Variants in LGSN observed in about 807,000 individuals in gnomAD.
The protein encoded by LGSN is lengsin, lens protein with glutamine synthetase domain, also known as lengsin.
In LGSN, 21 loss-of-function variants were observed where a neutral mutation model predicts 19.5. That is an observed-to-expected ratio of 1.07 (90% CI 0.76 to 1.55). The LOEUF (loss-of-function observed/expected upper bound fraction) is 1.55. LGSN is among the 40% of genes most tolerant of loss of function. The pLI is 0.00. For missense variants in LGSN, 673 were observed against 608.5 expected (o/e 1.11, Z -1.12); for synonymous variants, 257 against 215.6 (o/e 1.19, Z -1.68).
intron 1 of LGSN, among the ~76,000 whole-genome samples, chr6:63,295,971 G>A (rs897570985): frequency 1.3e-5 from 2 of 152,162 alleles, no homozygotes; most frequent in African/African-American, 2.4e-5. Flanking sequence ...AACACTTTGA[G>A]CTTAGTATCT....
intron 1 of LGSN, among the ~76,000 whole-genome samples, chr6:63,311,791 A>G (rs1768638343): frequency 6.6e-6 from 1 of 152,126 alleles, no homozygotes; most frequent in African/African-American, 2.4e-5. Context: ...GTCCTCTTAT[A>G]TATTATTATT....
the LGSN span, among the ~76,000 whole-genome samples, chr6:63,530,584 T>A: frequency 1.3e-5 from 2 of 152,118 alleles, no homozygotes; most frequent in African/African-American, 4.8e-5. Flanking sequence ...TTTGTGAACA[T>A]GGAGGCCCTT....
chr6:63,410,910 T>C, the LGSN span, among the ~76,000 whole-genome samples: 1 of 152,128 alleles, frequency 6.6e-6, no homozygotes, highest in Non-Finnish European at 1.5e-5. Context: ...TCAAAACCAG[T>C]TTTTTTCCAA....
At chr6:63,568,535 A>C in the LGSN span, among the ~76,000 whole-genome samples, 3 of 152,232 alleles carry the variant, frequency 2.0e-5, no homozygotes, top group Non-Finnish European at 4.4e-5. Context: ...AATAATTTAA[A>C]AGTTTGAAAT....
Position 63,279,793 on chromosome 6 carries a change from T to C in LGSN, c.*228A>G. ...AAATGACTGACAAGATCTGGTAAGTTTGCATATTATAGCTTCACCACAACT... is the reference window on the plus strand; with the variant it reads ...AAATGACTGACAAGATCTGGTAAGTCTGCATATTATAGCTTCACCACAACT... On this transcript the variant is annotated 3_prime_UTR_variant, in exon 4 of 4. Coordinates refer to ENST00000370657, the MANE Select transcript of LGSN (RefSeq NM_016571.3). 3 of 409,350 alleles carry C rather than the reference T, an allele frequency of 7.3e-6. No homozygotes were observed. In the Admixed American group the frequency reaches 1.3e-4, roughly 17 times the overall value. The allele number at this position is 409,350 out of a possible 1,614,324, so 25.4% of individuals were successfully genotyped here. A position where few individuals can be genotyped will look rare whatever the true frequency, so the allele number is the denominator to read the frequency against.
chr6:63,442,981 A>T, the LGSN span, among the ~76,000 whole-genome samples: 16,939 of 152,204 alleles, frequency 0.11, 1,965 homozygotes, highest in African/African-American at 0.29. Context: ...CGATGGGACC[A>T]GGCACTGTGG....
At chr6:63,398,733 A>C in the LGSN span, among the ~76,000 whole-genome samples, 2 of 152,174 alleles carry the variant, frequency 1.3e-5, no homozygotes, top group Non-Finnish European at 2.9e-5. Flanking sequence ...AGTATCGTAG[A>C]CTTTCACATT....
At chr6:63,357,544 T>C in the LGSN span, among the ~76,000 whole-genome samples, 1 of 152,226 alleles carries the variant, frequency 6.6e-6, no homozygotes, top group Non-Finnish European at 1.5e-5. Flanking sequence ...TGAGATGGTA[T>C]CTCATTGTGG....
At chr6:63,448,263 G>A in the LGSN span, among the ~76,000 whole-genome samples, 3 of 152,030 alleles carry the variant, frequency 2.0e-5, no homozygotes, top group African/African-American at 7.2e-5. Context: ...AACAAAAAAG[G>A]CTCACCATGT....
the LGSN span, among the ~76,000 whole-genome samples, chr6:63,472,369 G>T: frequency 6.6e-6 from 1 of 152,178 alleles, no homozygotes; most frequent in Admixed American, 6.5e-5. Flanking sequence ...ATAAATAAAT[G>T]AAGATTCTGA....
chr6:63,431,876 G>C, the LGSN span, among the ~76,000 whole-genome samples: 5 of 150,514 alleles, frequency 3.3e-5, no homozygotes, highest in African/African-American at 1.2e-4. Context: ...AGACCAGCCA[G>C]CCCAACATGT....
intron 3 of LGSN, among the ~76,000 whole-genome samples, chr6:63,284,010 A>G (rs1430986344): frequency 1.3e-5 from 2 of 152,088 alleles, no homozygotes; most frequent in African/African-American, 2.4e-5. Context: ...TCTTAAACCT[A>G]TTTTTAATGT....
the LGSN span, among the ~76,000 whole-genome samples, chr6:63,401,479 G>T: frequency 6.6e-5 from 10 of 151,832 alleles, no homozygotes; most frequent in Admixed American, 2.0e-4. Flanking sequence ...AAATAACAAG[G>T]TTATAACCAT....
the LGSN span, among the ~76,000 whole-genome samples, chr6:63,446,956 G>A: frequency 2.0e-5 from 3 of 152,174 alleles, no homozygotes; most frequent in Admixed American, 1.3e-4. Context: ...GGCTGAGGCG[G>A]GAGAATCACT....
chr6:63,399,618 A>C, the LGSN span, among the ~76,000 whole-genome samples: 1 of 151,108 alleles, frequency 6.6e-6, no homozygotes, highest in Admixed American at 6.6e-5. Context: ...CTGATCTCGA[A>C]CTCCTGACCT....
At chr6:63,521,420 A>C in the LGSN span, among the ~76,000 whole-genome samples, 3 of 152,200 alleles carry the variant, frequency 2.0e-5, no homozygotes, top group Admixed American at 2.0e-4. Flanking sequence ...CTCAGGTAGG[A>C]TCAGAAAGAG....
chr6:63,456,806 A>G, the LGSN span, among the ~76,000 whole-genome samples: 1 of 152,116 alleles, frequency 6.6e-6, no homozygotes, highest in Non-Finnish European at 1.5e-5. Context: ...AGAAGGGAAG[A>G]AAGCAGAGAA....
At chr6:63,350,974 T>C in the LGSN span, among the ~76,000 whole-genome samples, 1 of 152,174 alleles carries the variant, frequency 6.6e-6, no homozygotes, top group East Asian at 1.9e-4. Context: ...TACAGTGCTA[T>C]ATTCTGAATA....
At chr6:63,293,913 A>C (rs1475910670) in intron 2 of LGSN, 1 of 378,570 alleles carries the variant, frequency 2.6e-6, no homozygotes, top group Non-Finnish European at 5.2e-6. Flanking sequence ...ACTGTCTCTT[A>C]ATATAATATG....
Sources: gnomAD v4.1 joint callset for allele counts (sites outside exome capture counted in the v4.1 genomes callset) on GRCh38, gnomAD v4.1.1 for gene constraint, MANE v1.5 for transcripts, NCBI Gene and HGNC (gene_info 2026-07-23, HGNC 2026-07-21) for gene names.